PCDH11Y: variants seen among roughly 807,000 people sequenced by gnomAD.
PCDH11Y encodes protocadherin 11 Y-linked, also known as protocadherin-11 Y-linked.
For missense variants in PCDH11Y, 12 were observed against 224.8 expected, an observed-to-expected ratio of 0.05 and a Z score of 6.05; for synonymous variants, 9 against 83.6, an observed-to-expected ratio of 0.11 and a Z score of 4.87.
In PCDH11Y at chrY:5,370,390, A is replaced by T. The variant is rs2124673095; in HGVS notation, c.3130-130667A>T. 1.3e-4 allele frequency among the ~76,000 whole-genome samples: 4 copies of T among 29,848 alleles called. No homozygotes were observed. The East Asian group carries it at 3.4e-3, about 26-fold the overall frequency. 80.1% of individuals were successfully genotyped at this position (29,848 alleles called of 37,273 possible). ...TTGAATAAAATTACTTTGCTTTATA[A>T]ATGGTGCATGTAGAAGACAGCTAAG... is the stretch of plus-strand genomic sequence containing the variant. On this transcript the variant is annotated intron_variant, in intron 2 of 4. Transcript: ENST00000400457.
intron 4 of PCDH11Y, among the ~76,000 whole-genome samples, chrY:5,685,508 A>T: frequency 3.3e-5 from 1 of 30,663 alleles, no homozygotes; most frequent in Admixed American, 3.1e-4. Context: ...TTGAGAATGC[A>T]ACAGCCAACT....
chrY:5,589,516 A>C, intron 4 of PCDH11Y, among the ~76,000 whole-genome samples: 1 of 33,466 alleles, frequency 3.0e-5, no homozygotes, highest in South Asian at 6.8e-4. Flanking sequence ...TCAGTATGTT[A>C]ATTGCATTTT....
At chrY:5,477,619 G>A (rs2124685383) in intron 2 of PCDH11Y, among the ~76,000 whole-genome samples, 1 of 31,360 alleles carries the variant, frequency 3.2e-5, no homozygotes, top group South Asian at 7.3e-4. Context: ...GGGAGAATTC[G>A]GCTATGAATC....
chrY:5,293,684 G>A, intron 2 of PCDH11Y, among the ~76,000 whole-genome samples: 1 of 31,440 alleles, frequency 3.2e-5, no homozygotes, highest in Admixed American at 2.9e-4. Flanking sequence ...AACTATTATT[G>A]TATTAGGGTA....
chrY:5,170,773 C>G, intron 2 of PCDH11Y, among the ~76,000 whole-genome samples: 1 of 31,444 alleles, frequency 3.2e-5, no homozygotes, highest in East Asian at 8.4e-4. Flanking sequence ...AAGTGCAAAT[C>G]TTGATGCGAA....
intron 2 of PCDH11Y, among the ~76,000 whole-genome samples, chrY:5,454,842 C>A (rs2053296289): frequency 9.0e-5 from 3 of 33,512 alleles, no homozygotes; most frequent in Admixed American, 2.7e-4. Context: ...GGCCTCAGGG[C>A]CTGTGATGGG....
At chrY:5,108,280 T>C, downstream of PCDH11Y, among the ~76,000 whole-genome samples, 1 of 32,798 alleles carries the variant, frequency 3.0e-5, no homozygotes, top group African/African-American at 1.2e-4. Flanking sequence ...ATTTTAATTA[T>C]GAAAGTTTAT....
intron 3 of PCDH11Y, among the ~76,000 whole-genome samples, chrY:5,549,747 A>G: frequency 3.0e-5 from 1 of 33,674 alleles, no homozygotes; most frequent in Non-Finnish European, 7.4e-5. Flanking sequence ...AAAACCTGGC[A>G]CACATGAAAT....
intron 2 of PCDH11Y, among the ~76,000 whole-genome samples, chrY:5,434,153 T>G (rs2053271369): frequency 9.4e-5 from 3 of 31,801 alleles, no homozygotes; most frequent in Non-Finnish European, 2.3e-4. Flanking sequence ...TAATTAAAGC[T>G]TCCATGCCCA....
intron 1 of PCDH11Y, among the ~76,000 whole-genome samples, chrY:5,016,743 A>C: frequency 6.0e-5 from 2 of 33,221 alleles, no homozygotes; most frequent in African/African-American, 1.2e-4. Context: ...GAATCCAAGA[A>C]GTTTGTTTTG....
chrY:5,511,542 T>A lies in PCDH11Y; in HGVS notation c.3328+10287T>A, dbSNP rs1377855101. 5.4e-3 allele frequency among the ~76,000 whole-genome samples: 174 copies of A among 32,475 alleles called. No homozygotes were observed. In the East Asian group the frequency reaches 0.14, roughly 26 times the overall value. The allele number at this position is 32,475 out of a possible 37,273, so 87.1% of individuals were successfully genotyped here. A position where few individuals can be genotyped will look rare whatever the true frequency, so the allele number is the denominator to read the frequency against. ...GGTTTCAAAGGATATGAACTGTGGCTAAGTAAAAAAACCTTTCATCTAGAA... is the reference window on the plus strand; with the variant it reads ...GGTTTCAAAGGATATGAACTGTGGCAAAGTAAAAAAACCTTTCATCTAGAA... On this transcript the variant is annotated intron_variant, in intron 3 of 4. Coordinates refer to the PCDH11Y transcript ENST00000400457.
intron 2 of PCDH11Y, among the ~76,000 whole-genome samples, chrY:5,298,076 C>T: frequency 3.0e-5 from 1 of 33,828 alleles, no homozygotes. Flanking sequence ...TGAGTGGAAA[C>T]TGGAAAGCTA....
chrY:5,340,091 G>A, intron 2 of PCDH11Y, among the ~76,000 whole-genome samples: 3 of 32,548 alleles, frequency 9.2e-5, no homozygotes, highest in African/African-American at 3.6e-4. Context: ...TAGGAAGCCA[G>A]TAGTGGCTCA....
At chrY:5,292,346 T>C (rs1379695725) in intron 2 of PCDH11Y, among the ~76,000 whole-genome samples, 3 of 33,381 alleles carry the variant, frequency 9.0e-5, no homozygotes, top group Non-Finnish European at 1.5e-4. Context: ...TCTTTAAATG[T>C]CTGGTAGAAT....
chrY:5,046,477 C>G, intron 3 of PCDH11Y, among the ~76,000 whole-genome samples: 2 of 33,830 alleles, frequency 5.9e-5, no homozygotes, highest in Non-Finnish European at 1.5e-4. Context: ...GTTCTCAGAT[C>G]TCCAGCTGCA....
At chrY:5,655,168 CA>C (rs2053535002) in intron 4 of PCDH11Y, among the ~76,000 whole-genome samples, 1 of 28,930 alleles carries the variant, frequency 3.5e-5, no homozygotes, top group Non-Finnish European at 8.3e-5. Context: ...TTCATCCTTT[CA>C]ACTTGATATT....
chrY:5,139,078 T>C, intron 2 of PCDH11Y, among the ~76,000 whole-genome samples: 1 of 33,765 alleles, frequency 3.0e-5, no homozygotes, highest in Non-Finnish European at 7.4e-5. Context: ...GATGCAGGGA[T>C]GGTTTAACAT....
At chrY:5,560,219 T>G (rs1251891959) in intron 3 of PCDH11Y, among the ~76,000 whole-genome samples, 31 of 33,509 alleles carry the variant, frequency 9.3e-4, no homozygotes. Flanking sequence ...AATTTCTAAG[T>G]GGCAAAGCAT....
chrY:5,219,886 T>C, intron 2 of PCDH11Y, among the ~76,000 whole-genome samples: 1 of 33,872 alleles, frequency 3.0e-5, no homozygotes, highest in Non-Finnish European at 7.3e-5. Context: ...TTATGAGTTA[T>C]ATTTAAGTCT....
Sources: allele counts gnomAD v4.1 joint callset (sites outside exome capture counted in the v4.1 genomes callset), GRCh38; gene constraint gnomAD v4.1.1; transcripts MANE v1.5; gene names NCBI Gene and HGNC (gene_info 2026-07-23, HGNC 2026-07-21).